The following CEMIP variants were observed in gnomAD, a reference collection of about 807,000 sequenced individuals.
CEMIP encodes cell migration inducing hyaluronidase 1.
CEMIP carries 105 observed loss-of-function variants against 156.9 expected under a neutral mutation model. The ratio of observed to expected loss-of-function variants is 0.67; its 90% CI spans 0.57 to 0.79. The LOEUF is 0.79. Among genes scored for constraint, CEMIP ranks in the 30% least tolerant of loss-of-function variants. The pLI is 0.00. For synonymous variants in CEMIP, 676 were observed against 668.4 expected (o/e 1.01, Z -0.17); for missense variants, 1,457 against 1,769.4 (o/e 0.82, Z 3.17).
chr15:80,908,453 C>T (rs1234282791), intron 13 of CEMIP, among the ~76,000 whole-genome samples: 1 of 152,184 alleles, frequency 6.6e-6, no homozygotes, highest in East Asian at 1.9e-4. Flanking sequence ...CATTTTCAGA[C>T]TGTGTTTTCA....
intron 12 of CEMIP, among the ~76,000 whole-genome samples, chr15:80,902,271 A>G (rs1275392904): frequency 1.3e-5 from 2 of 152,186 alleles, no homozygotes; most frequent in Non-Finnish European, 2.9e-5. Context: ...AACTGTGCAG[A>G]GCCCCTCTGC....
At chr15:80,927,829 T>C (rs1310293676) in intron 19 of CEMIP, among the ~76,000 whole-genome samples, 5 of 151,926 alleles carry the variant, frequency 3.3e-5, no homozygotes, top group African/African-American at 9.7e-5. Context: ...CTCAGGAAGT[T>C]TGGGAAAATA....
At chr15:80,904,845 G>A (rs1255583681) in intron 12 of CEMIP, among the ~76,000 whole-genome samples, 2 of 152,152 alleles carry the variant, frequency 1.3e-5, no homozygotes, top group Non-Finnish European at 2.9e-5. Flanking sequence ...ATACATTTAT[G>A]TTGTTTTAAG....
chr15:80,810,258 G>T (rs1000643070), intron 1 of CEMIP, among the ~76,000 whole-genome samples: 10 of 152,242 alleles, frequency 6.6e-5, no homozygotes, highest in African/African-American at 2.2e-4. Flanking sequence ...TACAAATATA[G>T]CCTACAACTA....
At chr15:80,805,461 C>T (rs994586020) in intron 1 of CEMIP, among the ~76,000 whole-genome samples, 24 of 152,168 alleles carry the variant, frequency 1.6e-4, no homozygotes, top group African/African-American at 5.6e-4. Flanking sequence ...GTTTAAAAAA[C>T]GCATTTGCCA....
chr15:80,862,918 G>A (rs1898023074), intron 1 of CEMIP, among the ~76,000 whole-genome samples: 1 of 152,208 alleles, frequency 6.6e-6, no homozygotes, highest in Non-Finnish European at 1.5e-5. Flanking sequence ...ACTGAGGGCA[G>A]GGAAAACTGG....
chr15:80,854,514 C>G (rs1897797106), intron 1 of CEMIP, among the ~76,000 whole-genome samples: 1 of 152,248 alleles, frequency 6.6e-6, no homozygotes, highest in Non-Finnish European at 1.5e-5. Flanking sequence ...AAGACTCTTT[C>G]AAAAGTATTT....
At position 80,948,972 on chromosome 15, in the gene CEMIP, T is replaced by C. The variant is rs769495777; in HGVS notation, c.*48T>C. On this transcript the variant is annotated 3_prime_UTR_variant, in exon 30 of 30. Coordinates refer to ENST00000394685, the MANE Select transcript of CEMIP (RefSeq NM_001293298.2). ...CCTCGTGGTAGACTATGACGGTGAC[T>C]CTTGGCAGCAGACCAGTGGGGGATG... 6.8e-6 allele frequency: 11 copies of C among 1,612,620 alleles called. No individual in the cohort carries two copies. Among genetic ancestry groups the C allele is most frequent in the Non-Finnish European group, 8.5e-6 (10 of 1,178,990 alleles).
chr15:80,911,101 A>G (rs571204576), intron 14 of CEMIP, among the ~76,000 whole-genome samples: 8 of 152,180 alleles, frequency 5.3e-5, no homozygotes, highest in Non-Finnish European at 1.2e-4. Context: ...AGAGGATGGC[A>G]CTGCTTACCC....
intron 1 of CEMIP, among the ~76,000 whole-genome samples, chr15:80,800,452 C>G (rs1896347879): frequency 6.6e-6 from 1 of 152,186 alleles, no homozygotes; most frequent in Non-Finnish European, 1.5e-5. Flanking sequence ...ATGTGGCTGG[C>G]TTTTCCACGT....
chr15:80,889,041 A>G (rs1898945927), intron 9 of CEMIP, among the ~76,000 whole-genome samples: 1 of 152,202 alleles, frequency 6.6e-6, no homozygotes, highest in South Asian at 2.1e-4. Flanking sequence ...TGCGGCATTC[A>G]GCTTAGTTCA....
intron 1 of CEMIP, among the ~76,000 whole-genome samples, chr15:80,815,464 T>C (rs1021386156): frequency 1.3e-5 from 2 of 152,244 alleles, no homozygotes; most frequent in Admixed American, 6.5e-5. Flanking sequence ...AAGTAACATA[T>C]GGAAAATGCA....
At position 80,794,018 on chromosome 15, in the gene CEMIP, A is replaced by G. The variant is rs187809207; in HGVS notation, c.-176+14404A>G. ...TTATTTATGATTTTATTTTTAGGTC[A>G]AAGTGTTGCCAAGTGGGTTCCTGGT... On this transcript the variant is annotated intron_variant, in intron 1 of 29. Transcript: ENST00000394685. Among the ~76,000 whole-genome samples the G allele has an allele frequency of 2.0e-3, 299 of 152,318 alleles. 2 individuals are homozygous for G. Among genetic ancestry groups the G allele is most frequent in the Non-Finnish European group, 3.4e-3 (229 of 68,034 alleles).
chr15:80,881,020 C>T lies in CEMIP; in HGVS notation c.501C>T (p.Thr167=). The T allele has an allele frequency of 6.2e-7, 1 of 1,614,186 alleles. No individual in the cohort carries two copies. Among genetic ancestry groups the T allele is most frequent in the Non-Finnish European group, 8.5e-7 (1 of 1,180,030 alleles). Residue 167 remains threonine (T), a synonymous_variant, in exon 6 of 30, where the codon ACC becomes ACT. Coordinates refer to ENST00000394685, the MANE Select transcript of CEMIP (RefSeq NM_001293298.2). ...TCTCCTGGACATTTCTGAACAAGAC[C>T]CTTCACCCAGGTGGCATGGCAGAAG... The part of the protein sequence containing the change: ...KKLSWTFLNK[T]LHPGGMAEGG...
At chr15:80,862,311 G>A (rs1898006199) in intron 1 of CEMIP, among the ~76,000 whole-genome samples, 1 of 152,202 alleles carries the variant, frequency 6.6e-6, no homozygotes. Flanking sequence ...GGTGGACTGG[G>A]AAGGCCAGAC....
chr15:80,900,381 C>A (rs1899426042), intron 12 of CEMIP, among the ~76,000 whole-genome samples: 1 of 152,106 alleles, frequency 6.6e-6, no homozygotes, highest in Admixed American at 6.5e-5. Flanking sequence ...TGGAGAAGAT[C>A]CTGCGCCCAC....
chr15:80,831,338 G>A (rs1229185974), intron 1 of CEMIP, among the ~76,000 whole-genome samples: 1 of 152,140 alleles, frequency 6.6e-6, no homozygotes, highest in African/African-American at 2.4e-5. Context: ...GATAGAGAGA[G>A]CCTGTGAGGA....
intron 23 of CEMIP, among the ~76,000 whole-genome samples, chr15:80,936,017 C>T (rs1039732704): frequency 1.3e-5 from 2 of 152,230 alleles, no homozygotes; most frequent in African/African-American, 2.4e-5. Flanking sequence ...GGATTACAGG[C>T]ATGAGCCACC....
intron 1 of CEMIP, among the ~76,000 whole-genome samples, chr15:80,808,458 C>T (rs1174975484): frequency 6.6e-6 from 1 of 152,206 alleles, no homozygotes; most frequent in Admixed American, 6.5e-5. Context: ...GTTCTAGCAG[C>T]ACCCATAGAG....
Sources: gnomAD v4.1 joint callset for allele counts (sites outside exome capture counted in the v4.1 genomes callset) on GRCh38, gnomAD v4.1.1 for gene constraint, MANE v1.5 for transcripts, NCBI Gene and HGNC (gene_info 2026-07-23, HGNC 2026-07-21) for gene names.